Variants in CGNL1 observed in about 807,000 individuals in gnomAD.
CGNL1 encodes cingulin like 1, also known as cingulin-like protein 1.
Under a neutral mutation model 141.2 loss-of-function variants are expected in CGNL1, and 132 were observed. The observed-to-expected ratio is 0.93, with a 90% CI of 0.81 to 1.08. CGNL1 has a LOEUF of 1.08. Among genes scored for constraint, CGNL1 ranks in the 50% least tolerant of loss-of-function variants. The probability of loss-of-function intolerance (pLI) is 0.00; values close to 1 mark genes in which losing one functional copy is unlikely to be tolerated. For missense variants in CGNL1, 1,870 were observed against 1,588.6 expected (o/e 1.18, Z -3.01); for synonymous variants, 690 against 622.1 (o/e 1.11, Z -1.63).
At chr15:57,522,813 T>G (rs1366982088) in intron 10 of CGNL1, among the ~76,000 whole-genome samples, 3 of 152,164 alleles carry the variant, frequency 2.0e-5, no homozygotes, top group African/African-American at 7.2e-5. Context: ...TAGTATTTGG[T>G]GCTGATTCAA....
intron 1 of CGNL1, among the ~76,000 whole-genome samples, chr15:57,412,197 G>A (rs2062796628): frequency 6.6e-6 from 1 of 152,216 alleles, no homozygotes; most frequent in African/African-American, 2.4e-5. Flanking sequence ...TCCCAGGCTG[G>A]AGTTTCACAG....
chr15:57,532,979 G>A (rs1393407675), intron 14 of CGNL1, among the ~76,000 whole-genome samples: 1 of 152,128 alleles, frequency 6.6e-6, no homozygotes, highest in Non-Finnish European at 1.5e-5. Context: ...CCCTTTCCTC[G>A]GTTCAGGGTG....
chr15:57,516,354 G>A (rs1878158165), intron 8 of CGNL1, among the ~76,000 whole-genome samples: 1 of 152,048 alleles, frequency 6.6e-6, no homozygotes, highest in African/African-American at 2.4e-5. Flanking sequence ...ATTTAAGATG[G>A]CGATAAGAAT....
intron 10 of CGNL1, among the ~76,000 whole-genome samples, chr15:57,522,272 C>T (rs1405779563): frequency 2.0e-5 from 3 of 152,192 alleles, no homozygotes; most frequent in Admixed American, 6.5e-5. Context: ...GCCCAGGGAC[C>T]GGAAGGCCGC....
rs80191265 is a variant in CGNL1, at chr15:57,526,276, G to A, written c.3039+1525G>A. Among the ~76,000 whole-genome samples, 67 of 152,224 alleles carry A rather than the reference G, an allele frequency of 4.4e-4. 1 individual carries two copies. The East Asian group carries it at 0.013, about 29-fold the overall frequency. ...CCTGTGAGACACTGTTTCCATGTGA[G>A]CAACAGACATGGACACCTCATCATT... On this transcript the variant is annotated intron_variant, in intron 12 of 18. Transcript: ENST00000281282.
chr15:57,486,195 T>C (rs2152369797), intron 8 of CGNL1, among the ~76,000 whole-genome samples: 1 of 152,292 alleles, frequency 6.6e-6, no homozygotes, highest in Middle Eastern at 3.4e-3. Context: ...CTTTCAGGGA[T>C]CAGCTAATAG....
chr15:57,476,754 A>G (rs1196700891), intron 8 of CGNL1, among the ~76,000 whole-genome samples: 1 of 152,230 alleles, frequency 6.6e-6, no homozygotes, highest in African/African-American at 2.4e-5. Flanking sequence ...TTGAACCAGC[A>G]TTATTAGTTT....
chr15:57,501,969 T>G (rs2064031305), intron 8 of CGNL1, among the ~76,000 whole-genome samples: 1 of 152,202 alleles, frequency 6.6e-6, no homozygotes, highest in African/African-American at 2.4e-5. Flanking sequence ...CCAGGTTTTA[T>G]CTCTAGCCTC....
chr15:57,511,192 A>T lies in CGNL1; in HGVS notation c.2404-5588A>T, dbSNP rs566712272. ...CCACATAGCCCCAGTTTCCTGCCTC[A>T]TAGTCAGTCATTGTTACCAGTTTCT... On this transcript the variant is annotated intron_variant, in intron 8 of 18. Coordinates refer to ENST00000281282, the MANE Select transcript of CGNL1 (RefSeq NM_032866.5). Among the ~76,000 whole-genome samples, 5 of 152,322 alleles carry T rather than the reference A, an allele frequency of 3.3e-5. No homozygotes were observed. The South Asian group carries it at 1.0e-3, about 32-fold the overall frequency.
rs377137486 is a variant in CGNL1 at position 57,498,022 on chromosome 15, T to C, written c.2404-18758T>C. ...AGCAGCCCGTCCACAGGTACCACAC[T>C]GTGGCATGTGCTGTTTTTTTTCCAT... On this transcript the variant is annotated intron_variant, in intron 8 of 18. Coordinates refer to ENST00000281282, the MANE Select transcript of CGNL1 (RefSeq NM_032866.5). Among the ~76,000 whole-genome samples the C allele has an allele frequency of 2.6e-4, 40 of 152,238 alleles. No homozygotes were observed. The East Asian group carries it at 6.2e-3, about 24-fold the overall frequency.
At chr15:57,419,347 A>G (rs1477745530) in intron 1 of CGNL1, among the ~76,000 whole-genome samples, 1 of 152,270 alleles carries the variant, frequency 6.6e-6, no homozygotes, top group Non-Finnish European at 1.5e-5. Flanking sequence ...TATCAATATC[A>G]TGCAATTGGT....
chr15:57,526,121 A>G (rs1435756667), intron 12 of CGNL1, among the ~76,000 whole-genome samples: 1 of 151,968 alleles, frequency 6.6e-6, no homozygotes, highest in Non-Finnish European at 1.5e-5. Flanking sequence ...AGGTCCAGAG[A>G]GACTAGTTAA....
intron 7 of CGNL1, among the ~76,000 whole-genome samples, chr15:57,456,517 TAA>T (rs1314947843): frequency 6.9e-6 from 1 of 144,342 alleles, no homozygotes. Flanking sequence ...TAAAACAGTT[TAA>T]AAAAAAAAAG....
At chr15:57,430,001 G>C (rs1270296730) in intron 1 of CGNL1, among the ~76,000 whole-genome samples, 1 of 152,150 alleles carries the variant, frequency 6.6e-6, no homozygotes, top group African/African-American at 2.4e-5. Context: ...CATAGAGATG[G>C]GGTCTCCCTG....
chr15:57,412,605 T>C (rs2062802454), intron 1 of CGNL1, among the ~76,000 whole-genome samples: 1 of 152,220 alleles, frequency 6.6e-6, no homozygotes, highest in African/African-American at 2.4e-5. Context: ...GGGAACTCAT[T>C]GTCTCCTGAA....
At chr15:57,427,003 A>G (rs2062983295) in intron 1 of CGNL1, among the ~76,000 whole-genome samples, 1 of 152,160 alleles carries the variant, frequency 6.6e-6, no homozygotes, top group Admixed American at 6.5e-5. Flanking sequence ...CAGTGTCTAA[A>G]TGAATGGCCG....
chr15:57,407,704 C>A (rs563313067), intron 1 of CGNL1, among the ~76,000 whole-genome samples: 1 of 150,964 alleles, frequency 6.6e-6, no homozygotes, highest in East Asian at 1.9e-4. Flanking sequence ...TGGGGCTTGA[C>A]AATTTGTTTA....
At chr15:57,460,489 T>C (rs1482230909) in intron 7 of CGNL1, among the ~76,000 whole-genome samples, 1 of 152,196 alleles carries the variant, frequency 6.6e-6, no homozygotes, top group Non-Finnish European at 1.5e-5. Context: ...CTCACACTGA[T>C]GTAAAGATAC....
intron 1 of CGNL1, among the ~76,000 whole-genome samples, chr15:57,428,822 A>C (rs895497523): frequency 6.6e-6 from 1 of 152,170 alleles, no homozygotes; most frequent in Non-Finnish European, 1.5e-5. Flanking sequence ...CAGGAGATCG[A>C]GACCATCCTG....
Sources: allele counts gnomAD v4.1 joint callset (sites outside exome capture counted in the v4.1 genomes callset), GRCh38; gene constraint gnomAD v4.1.1; transcripts MANE v1.5; gene names NCBI Gene and HGNC (gene_info 2026-07-23, HGNC 2026-07-21).